GABRB1: variants seen among roughly 807,000 people sequenced by gnomAD.
GABRB1 encodes gamma-aminobutyric acid type A receptor subunit beta1, also known as gamma-aminobutyric acid receptor subunit beta-1.
GABRB1 carries 17 observed loss-of-function variants against 51.6 expected under a neutral mutation model. The ratio of observed to expected loss-of-function variants is 0.33; its 90% confidence interval spans 0.23 to 0.49. The LOEUF is 0.49. GABRB1 is among the 20% of genes least tolerant of loss of function. The pLI, the probability that GABRB1 is intolerant of heterozygous loss-of-function variation, is 0.99. For missense variants in GABRB1, 410 were observed against 600.6 expected (o/e 0.68, Z 3.32); for synonymous variants, 247 against 218.9 (o/e 1.13, Z -1.14).
chr4:47,072,246 G>A (rs139761686), intron 3 of GABRB1, among the ~76,000 whole-genome samples: 1 of 152,236 alleles, frequency 6.6e-6, no homozygotes, highest in Non-Finnish European at 1.5e-5. Flanking sequence ...GCTTCCTGTG[G>A]CTTTACCATT....
intron 5 of GABRB1, among the ~76,000 whole-genome samples, chr4:47,359,700 G>T (rs1240803298): frequency 1.3e-5 from 2 of 152,034 alleles, no homozygotes; most frequent in South Asian, 2.1e-4. Context: ...ACTATTTTCT[G>T]TAAGCCTAGC....
intron 5 of GABRB1, among the ~76,000 whole-genome samples, chr4:47,349,630 C>T (rs1345365283): frequency 6.6e-6 from 1 of 152,172 alleles, no homozygotes; most frequent in African/African-American, 2.4e-5. Flanking sequence ...TACACTGCCA[C>T]CCATCCACTA....
At chr4:47,401,911 G>T (rs1728409621) in intron 5 of GABRB1, among the ~76,000 whole-genome samples, 2 of 151,518 alleles carry the variant, frequency 1.3e-5, no homozygotes, top group South Asian at 2.1e-4. Context: ...GATTTTATTG[G>T]CAGGTTTTTA....
chr4:47,010,472 T>C (rs1433539440), intron 1 of GABRB1, among the ~76,000 whole-genome samples: 1 of 152,212 alleles, frequency 6.6e-6, no homozygotes, highest in Non-Finnish European at 1.5e-5. Context: ...CCTACTCTAA[T>C]AGTCTGTGAA....
chr4:46,998,808 T>G (rs1385428757), intron 1 of GABRB1, among the ~76,000 whole-genome samples: 1 of 149,638 alleles, frequency 6.7e-6, no homozygotes, highest in Non-Finnish European at 1.5e-5. Flanking sequence ...ATTTAATAAC[T>G]ACTTTTAGGC....
chr4:47,077,935 A>ATATAT (rs1553914077), intron 3 of GABRB1, among the ~76,000 whole-genome samples: 10 of 119,636 alleles, frequency 8.4e-5, no homozygotes, highest in South Asian at 5.2e-4. Flanking sequence ...TATATATTAT[A>ATATAT]TATTTTATAT....
chr4:47,240,648 T>C (rs1560292669), intron 4 of GABRB1, among the ~76,000 whole-genome samples: 1 of 152,220 alleles, frequency 6.6e-6, no homozygotes, highest in Admixed American at 6.5e-5. Context: ...TTGCCTTTCC[T>C]TTCATGGCAT....
At chr4:47,207,723 T>C (rs1031750726) in intron 4 of GABRB1, among the ~76,000 whole-genome samples, 3 of 152,128 alleles carry the variant, frequency 2.0e-5, no homozygotes, top group Non-Finnish European at 4.4e-5. Flanking sequence ...GTGCCTTCTC[T>C]TCACCTACAG....
chr4:47,250,157 T>C (rs1721929091), intron 4 of GABRB1, among the ~76,000 whole-genome samples: 1 of 152,204 alleles, frequency 6.6e-6, no homozygotes, highest in Non-Finnish European at 1.5e-5. Flanking sequence ...TTGTGGTGAA[T>C]TCTCTCAGCA....
At chr4:47,155,938 T>C (rs1387057372) in intron 3 of GABRB1, among the ~76,000 whole-genome samples, 1 of 126,646 alleles carries the variant, frequency 7.9e-6, no homozygotes, top group Non-Finnish European at 1.6e-5. Flanking sequence ...TATATATATA[T>C]ATATATATGA....
At position 47,082,305 on chromosome 4, in the gene GABRB1, A is replaced by T. The variant is rs540249031; in HGVS notation, c.240+49821A>T. Among the ~76,000 whole-genome samples, 140 of 152,116 alleles carry T rather than the reference A, an allele frequency of 9.2e-4. 4 individuals are homozygous for T. The South Asian group carries it at 0.028, about 31-fold the overall frequency. On this transcript the variant is annotated intron_variant, in intron 3 of 8. Coordinates refer to ENST00000295454, the MANE Select transcript of GABRB1 (RefSeq NM_000812.4). ...TGAAAAATAAAAGATAATTTTAAAA[A>T]TGAATTCCATAAAAAAGATGCCATT...
intron 4 of GABRB1, among the ~76,000 whole-genome samples, chr4:47,252,641 G>A (rs889498857): frequency 1.3e-5 from 2 of 150,794 alleles, no homozygotes; most frequent in Admixed American, 6.7e-5. Flanking sequence ...CCAAGTAGCT[G>A]GGGTTACAGG....
chr4:47,184,518 T>C (rs1027589876), intron 4 of GABRB1, among the ~76,000 whole-genome samples: 6 of 151,918 alleles, frequency 3.9e-5, no homozygotes, highest in Non-Finnish European at 5.9e-5. Flanking sequence ...ACTCAAGTGA[T>C]AGCACTTCTT....
Position 47,132,117 on chromosome 4 carries a change from A to G in GABRB1, c.241-29132A>G, listed in dbSNP as rs1341936265. Among the ~76,000 whole-genome samples, 5 of 152,326 alleles carry G rather than the reference A, an allele frequency of 3.3e-5. No homozygotes were observed. In the East Asian group the frequency reaches 5.8e-4, roughly 18 times the overall value. On this transcript the variant is annotated intron_variant, in intron 3 of 8. Coordinates refer to ENST00000295454, the MANE Select transcript of GABRB1 (RefSeq NM_000812.4). ...GGGTATTGAAGAAGAATAAAAATCT[A>G]TTCCTAACACACTGCATTGGGCTCA...
At chr4:47,369,307 A>C (rs1727104247) in intron 5 of GABRB1, among the ~76,000 whole-genome samples, 2 of 152,136 alleles carry the variant, frequency 1.3e-5, no homozygotes, top group Non-Finnish European at 2.9e-5. Context: ...AGCAAATCAC[A>C]GTCCCGAGCT....
chr4:47,248,926 T>C (rs888174792), intron 4 of GABRB1, among the ~76,000 whole-genome samples: 1 of 152,116 alleles, frequency 6.6e-6, no homozygotes, highest in Admixed American at 6.6e-5. Flanking sequence ...GCTAATGGTC[T>C]ATCAATTTTA....
chr4:47,225,957 A>G (rs1193536252), intron 4 of GABRB1, among the ~76,000 whole-genome samples: 4 of 152,134 alleles, frequency 2.6e-5, no homozygotes, highest in Non-Finnish European at 5.9e-5. Context: ...ACCCCCCACC[A>G]GTGTACTGGC....
rs182991806 is a variant in GABRB1 at position 47,083,824 on chromosome 4, T to A, written c.240+51340T>A. Among the ~76,000 whole-genome samples, 5 of 152,252 alleles carry A rather than the reference T, an allele frequency of 3.3e-5. No homozygotes were observed. The East Asian group carries it at 9.6e-4, about 29-fold the overall frequency. On this transcript the variant is annotated intron_variant, in intron 3 of 8. Coordinates refer to ENST00000295454, the MANE Select transcript of GABRB1 (RefSeq NM_000812.4). ...TAATTGTTCTGGATTTTCCCCCAGA[T>A]CTCTACTCATCTATTATCATTTTCA...
At chr4:47,026,663 T>G (rs1049562095), upstream of GABRB1, among the ~76,000 whole-genome samples, 5 of 152,004 alleles carry the variant, frequency 3.3e-5, no homozygotes, top group Non-Finnish European at 5.9e-5. Flanking sequence ...GTATCCTTCA[T>G]AAGATTCTAC....
Sources: allele counts gnomAD v4.1 joint callset (sites outside exome capture counted in the v4.1 genomes callset), GRCh38; gene constraint gnomAD v4.1.1; transcripts MANE v1.5; gene names NCBI Gene and HGNC (gene_info 2026-07-23, HGNC 2026-07-21).